Variants in MACROD2 observed in about 807,000 individuals in gnomAD.
MACROD2 encodes the protein mono-ADP ribosylhydrolase 2.
In MACROD2, 36 loss-of-function variants were observed where a neutral mutation model predicts 70.4. That is an observed-to-expected ratio of 0.51 (90% CI 0.39 to 0.68). The LOEUF (loss-of-function observed/expected upper bound fraction) is 0.68. Ranked by LOEUF, MACROD2 falls within the 30% of genes least tolerant of loss-of-function variation. The pLI is 0.00. For synonymous variants in MACROD2, 172 were observed against 178.8 expected, an observed-to-expected ratio of 0.96 and a Z score of 0.30; for missense variants, 496 against 538.4, an observed-to-expected ratio of 0.92 and a Z score of 0.78.
intron 5 of MACROD2, among the ~76,000 whole-genome samples, chr20:14,911,950 A>G (rs1360744269): frequency 6.6e-6 from 1 of 152,190 alleles, no homozygotes; most frequent in Non-Finnish European, 1.5e-5. Flanking sequence ...TTCTGACTCT[A>G]GAGCCCATAA....
chr20:14,773,675 G>C (rs753721581), intron 5 of MACROD2, among the ~76,000 whole-genome samples: 8 of 152,024 alleles, frequency 5.3e-5, no homozygotes, highest in Non-Finnish European at 1.0e-4. Context: ...AAGTGATAGA[G>C]TGACTCACCA....
At chr20:15,691,241 A>C (rs2050295342) in intron 8 of MACROD2, among the ~76,000 whole-genome samples, 1 of 152,222 alleles carries the variant, frequency 6.6e-6, no homozygotes, top group Admixed American at 6.5e-5. Flanking sequence ...CCTTGGATGT[A>C]ACACAAGCAT....
intron 3 of MACROD2, among the ~76,000 whole-genome samples, chr20:14,289,850 C>G (rs537658076): frequency 8.1e-4 from 123 of 152,258 alleles, no homozygotes; most frequent in South Asian, 6.9e-3. Context: ...TCTGCTTTTC[C>G]TGTTCAATAT....
At chr20:14,725,915 T>C (rs905525495) in intron 5 of MACROD2, among the ~76,000 whole-genome samples, 1 of 152,162 alleles carries the variant, frequency 6.6e-6, no homozygotes, top group East Asian at 1.9e-4. Context: ...AAACAGTGTG[T>C]GCACCCACAG....
intron 3 of MACROD2, among the ~76,000 whole-genome samples, chr20:14,208,537 C>T (rs1440651873): frequency 6.6e-6 from 1 of 152,180 alleles, no homozygotes; most frequent in Non-Finnish European, 1.5e-5. Flanking sequence ...CTGCACTACT[C>T]AGACTCTCAT....
chr20:14,921,085 T>A (rs2074156726), intron 5 of MACROD2, among the ~76,000 whole-genome samples: 1 of 152,158 alleles, frequency 6.6e-6, no homozygotes, highest in African/African-American at 2.4e-5. Context: ...TTACATAATG[T>A]ATAGAATTAA....
Position 15,338,255 on chromosome 20 carries a change from C to T in MACROD2, c.541-93150C>T, listed in dbSNP as rs533629735. Among the ~76,000 whole-genome samples, 17 of 151,610 alleles carry T rather than the reference C, an allele frequency of 1.1e-4. No individual in the cohort carries two copies. In the South Asian group the frequency reaches 2.5e-3, roughly 22 times the overall value. On this transcript the variant is annotated intron_variant, in intron 6 of 17. Coordinates refer to ENST00000684519, the MANE Select transcript of MACROD2 (RefSeq NM_001351661.2). Reference sequence around the variant, plus strand: ...ACTTATGAGACATTGCTTAAATACACGCTCTTATTTTTTATTCATCCAAAT... The same window carrying T: ...ACTTATGAGACATTGCTTAAATACATGCTCTTATTTTTTATTCATCCAAAT...
At chr20:15,892,694 A>C (rs1363187856) in intron 10 of MACROD2, among the ~76,000 whole-genome samples, 1 of 152,236 alleles carries the variant, frequency 6.6e-6, no homozygotes, top group African/African-American at 2.4e-5. Context: ...TGTGTGAATC[A>C]CTAATGTTAT....
intron 7 of MACROD2, among the ~76,000 whole-genome samples, chr20:15,488,847 T>C (rs758417334): frequency 6.6e-6 from 1 of 152,212 alleles, no homozygotes; most frequent in Non-Finnish European, 1.5e-5. Context: ...AGATCTTTCA[T>C]CTCCTGTCTC....
At chr20:14,930,164 A>T (rs2074280926) in intron 5 of MACROD2, among the ~76,000 whole-genome samples, 1 of 151,478 alleles carries the variant, frequency 6.6e-6, no homozygotes, top group Non-Finnish European at 1.5e-5. Flanking sequence ...TCCGTCTCAA[A>T]AAAAAAAAAA....
At chr20:14,546,877 T>C (rs1017747998) in intron 4 of MACROD2, among the ~76,000 whole-genome samples, 2 of 152,176 alleles carry the variant, frequency 1.3e-5, no homozygotes, top group African/African-American at 4.8e-5. Context: ...GGTTAGTCCC[T>C]GCACAGTGTT....
chr20:15,584,260 CTA>C (rs1412052027), intron 8 of MACROD2, among the ~76,000 whole-genome samples: 2 of 152,276 alleles, frequency 1.3e-5, no homozygotes, highest in East Asian at 1.9e-4. Context: ...GTTCTACAGT[CTA>C]TTCTTACAGA....
In MACROD2 at chr20:14,038,843, T is replaced by G. The variant is rs374775688; in HGVS notation, c.163+36439T>G. ...AGTAGCCATTCATTCATTCACATTT[T>G]CTTGTAATTCTGCTTGTTTCCATAT... On this transcript the variant is annotated intron_variant, in intron 2 of 17. Transcript: ENST00000684519. 3.9e-4 allele frequency among the ~76,000 whole-genome samples: 59 copies of G among 152,334 alleles called. 4 individuals are homozygous for G. The highest frequency in any genetic ancestry group is 3.3e-3 in the East Asian group (17 of 5,184).
chr20:14,437,209 G>C (rs2084065879), intron 3 of MACROD2, among the ~76,000 whole-genome samples: 1 of 152,060 alleles, frequency 6.6e-6, no homozygotes, highest in Non-Finnish European at 1.5e-5. Context: ...GCTTTCTACT[G>C]TTTCTCCCAA....
intron 6 of MACROD2, among the ~76,000 whole-genome samples, chr20:15,363,550 T>C (rs1004857685): frequency 1.3e-5 from 2 of 152,186 alleles, no homozygotes; most frequent in African/African-American, 2.4e-5. Context: ...AATAAGACAG[T>C]GCCCACTGAG....
intron 5 of MACROD2, among the ~76,000 whole-genome samples, chr20:14,854,843 C>T (rs1354920999): frequency 1.3e-5 from 2 of 152,040 alleles, no homozygotes; most frequent in Non-Finnish European, 1.5e-5. Flanking sequence ...GGTGAAACCC[C>T]ATCTCTACTA....
intron 3 of MACROD2, among the ~76,000 whole-genome samples, chr20:14,177,533 C>A (rs1340354961): frequency 6.6e-6 from 1 of 152,080 alleles, no homozygotes; most frequent in Non-Finnish European, 1.5e-5. Context: ...TCAGGCTGGT[C>A]TCGAACCTCC....
intron 8 of MACROD2, among the ~76,000 whole-genome samples, chr20:15,528,640 G>C (rs2047753798): frequency 6.6e-6 from 1 of 151,860 alleles, no homozygotes; most frequent in Non-Finnish European, 1.5e-5. Context: ...GGCTCTTTCT[G>C]TCTCATCTCC....
rs916145354 is a variant in MACROD2 at position 14,105,351 on chromosome 20, A to G, written c.271+19623A>G. Among the ~76,000 whole-genome samples the G allele has an allele frequency of 3.9e-5, 6 of 152,350 alleles. No homozygotes were observed. In the East Asian group the frequency reaches 1.2e-3, roughly 29 times the overall value. ...AATCTGAATTTGGAGGAAGGAGAGC[A>G]CAGTGCCTGGGTGACTCAGTAAACT... On this transcript the variant is annotated intron_variant, in intron 3 of 17. Transcript: ENST00000684519.
Sources: allele counts gnomAD v4.1 joint callset (sites outside exome capture counted in the v4.1 genomes callset), GRCh38; gene constraint gnomAD v4.1.1; transcripts MANE v1.5; gene names NCBI Gene and HGNC (gene_info 2026-07-23, HGNC 2026-07-21).